Variants in LARP4B observed in about 807,000 individuals in gnomAD.
LARP4B encodes la-related protein 4B.
A neutral mutation model predicts 89.8 loss-of-function variants in LARP4B; 12 were observed. That is an observed-to-expected ratio of 0.13 (90% CI 0.09 to 0.22). LARP4B has a LOEUF of 0.22. LARP4B is among the 10% of genes least tolerant of loss of function. The pLI is 1.00. For missense variants in LARP4B, 757 were observed against 947.7 expected (o/e 0.80, Z 2.64); for synonymous variants, 367 against 363.3 (o/e 1.01, Z -0.12).
chr10:888,482 T>C (rs1461850951), intron 1 of LARP4B, among the ~76,000 whole-genome samples: 1 of 152,178 alleles, frequency 6.6e-6, no homozygotes, highest in Non-Finnish European at 1.5e-5. Context: ...CAACAGGTTC[T>C]TGGAAACTGA....
chr10:927,277 T>C (rs545880062), intron 1 of LARP4B, among the ~76,000 whole-genome samples: 4 of 151,664 alleles, frequency 2.6e-5, no homozygotes, highest in African/African-American at 7.3e-5. Context: ...TATTAAGGTA[T>C]GGGGTGGCGG....
the LARP4B span, chr10:988,273 C>T: frequency 1.7e-6 from 1 of 585,960 alleles, no homozygotes. Flanking sequence ...ACCCTCGCTC[C>T]TGAGGCCCTC....
chr10:958,838 TA>T, the LARP4B span, among the ~76,000 whole-genome samples: 409 of 152,354 alleles, frequency 2.7e-3, 4 homozygotes, highest in African/African-American at 9.1e-3. Context: ...CATCACCCAC[TA>T]TGCCAGCTTG....
chr10:824,943 G>T, intron 13 of LARP4B, 122 bp downstream of exon 13: 1 of 1,032,898 alleles, frequency 9.7e-7, no homozygotes, highest in Non-Finnish European at 1.3e-6. Flanking sequence ...AAACCCTTAT[G>T]TTTATAGCCT....
chr10:932,320 C>G (rs1469205873), upstream of LARP4B, among the ~76,000 whole-genome samples: 1 of 148,354 alleles, frequency 6.7e-6, no homozygotes, highest in African/African-American at 2.5e-5. Flanking sequence ...ACCCCACACC[C>G]GGGACCCAGG....
intron 3 of LARP4B, among the ~76,000 whole-genome samples, chr10:876,258 C>A (rs1235793608): frequency 6.6e-6 from 1 of 152,094 alleles, no homozygotes; most frequent in East Asian, 1.9e-4. Context: ...GTGGTGCATG[C>A]CTGTAATCCC....
chr10:887,749 T>C (rs1244172866), intron 1 of LARP4B, among the ~76,000 whole-genome samples: 2 of 149,386 alleles, frequency 1.3e-5, no homozygotes, highest in African/African-American at 2.5e-5. Context: ...ACTGGCAGGG[T>C]GCAGTGGCTC....
chr10:908,396 T>C (rs562288239), intron 1 of LARP4B, among the ~76,000 whole-genome samples: 68 of 152,292 alleles, frequency 4.5e-4, no homozygotes, highest in African/African-American at 1.3e-3. Flanking sequence ...GAAACATGTT[T>C]TCCTTACTTG....
At chr10:953,996 C>A in the LARP4B span, among the ~76,000 whole-genome samples, 2 of 152,230 alleles carry the variant, frequency 1.3e-5, no homozygotes, top group East Asian at 1.9e-4. Flanking sequence ...AGGCGGAGGC[C>A]AGGCCTGCCA....
At chr10:863,225 CATT>C (rs1564414584) in intron 5 of LARP4B, among the ~76,000 whole-genome samples, 1 of 146,660 alleles carries the variant, frequency 6.8e-6, no homozygotes, top group Non-Finnish European at 1.5e-5. Context: ...AAATAGGTTT[CATT>C]TTTTTTTTTT....
intron 3 of LARP4B, among the ~76,000 whole-genome samples, chr10:866,741 TC>T (rs1477068486): frequency 1.3e-5 from 2 of 152,158 alleles, no homozygotes; most frequent in Non-Finnish European, 2.9e-5. Flanking sequence ...TGCTTTAAAT[TC>T]CCAACACTAA....
chr10:934,165 C>A (rs1227583298), upstream of LARP4B, among the ~76,000 whole-genome samples: 3 of 151,738 alleles, frequency 2.0e-5, no homozygotes, highest in African/African-American at 7.3e-5. Flanking sequence ...TTGTCTATGT[C>A]TACATTCCAG....
At chr10:919,287 A>G (rs567627918) in intron 1 of LARP4B, among the ~76,000 whole-genome samples, 39 of 152,220 alleles carry the variant, frequency 2.6e-4, no homozygotes, top group African/African-American at 9.1e-4. Flanking sequence ...GACCCTCTCT[A>G]AGAGCTGGGT....
chr10:916,436 C>T (rs141238073), intron 1 of LARP4B, among the ~76,000 whole-genome samples: 6,159 of 152,154 alleles, frequency 0.04, 305 homozygotes, highest in African/African-American at 0.12. Flanking sequence ...TGGCTCATGC[C>T]TGTAATCCCA....
chr10:940,952 G>A, the LARP4B span, among the ~76,000 whole-genome samples: 2 of 152,072 alleles, frequency 1.3e-5, no homozygotes, highest in African/African-American at 4.8e-5. Flanking sequence ...CAGCTGGAGA[G>A]GTGAGTGTTG....
chr10:960,342 C>T, the LARP4B span, among the ~76,000 whole-genome samples: 6 of 151,998 alleles, frequency 3.9e-5, no homozygotes, highest in Admixed American at 2.0e-4. Flanking sequence ...TGTCCAAACC[C>T]ATAGGATGTA....
the LARP4B span, among the ~76,000 whole-genome samples, chr10:944,013 G>A: frequency 7.2e-5 from 11 of 152,126 alleles, no homozygotes; most frequent in Admixed American, 2.0e-4. Context: ...AAGAAAAAGC[G>A]GTCTTACTGG....
Position 814,753 on chromosome 10 carries a change from C to T in LARP4B, c.1918G>A (p.Gly640Arg). 3.1e-6 allele frequency: 5 copies of T among 1,594,454 alleles called. No individual in the cohort carries two copies. Among genetic ancestry groups the T allele is most frequent in the East Asian group, 2.3e-5 (1 of 43,576 alleles). ...ATACKSVQVN[G>R]AATELRKPSY... is the part of the protein sequence containing the mutation. The stretch of plus-strand genomic sequence containing the variant: ...CACGAGGTACGTACCGTGGCGGCTC[C>T]GTTCACCTGCACCGATTTACACGCG... Residue 640 changes from glycine (G) to arginine (R), a missense_variant, in exon 17 of 18, where the codon GGA (glycine) becomes AGA (arginine). Physicochemically the swap from Gly to Arg is moderately radical, Grantham distance 125. This residue lies in a region of LARP4B where 387 missense variants were observed against 423.6 expected (regional missense o/e 0.91). Coordinates refer to ENST00000316157, the MANE Select transcript of LARP4B (RefSeq NM_015155.3). The surrounding 1 kb of genome is among the most constrained non-coding windows in gnomAD (Gnocchi z 4.4).
chr10:988,229 G>C, the LARP4B span: 1 of 463,468 alleles, frequency 2.2e-6, no homozygotes, highest in African/African-American at 2.0e-5. Flanking sequence ...TAGTCTCCGC[G>C]CTCCCCCTAA....
Sources: gnomAD v4.1 joint callset for allele counts (sites outside exome capture counted in the v4.1 genomes callset) on GRCh38, gnomAD v4.1.1 for gene constraint, gnomAD v4.1.1 regional missense constraint, Gnocchi (gnomAD v3.1) non-coding constraint, MANE v1.5 for transcripts, NCBI Gene and HGNC (gene_info 2026-07-23, HGNC 2026-07-21) for gene names.